Variants in NKAIN2 observed in about 807,000 individuals in gnomAD.
NKAIN2 encodes the protein sodium/potassium transporting ATPase interacting 2.
NKAIN2 carries 14 observed loss-of-function variants against 32.6 expected under a neutral mutation model. The observed-to-expected ratio is 0.43, with a 90% confidence interval of 0.28 to 0.67. The LOEUF is 0.67. Ranked by LOEUF, NKAIN2 falls within the 30% of genes least tolerant of loss-of-function variation. NKAIN2 has a pLI of 0.17. For missense variants in NKAIN2, 198 were observed against 258.3 expected (o/e 0.77, Z 1.60); for synonymous variants, 80 against 87.2 (o/e 0.92, Z 0.46).
At chr6:124,646,580 G>GCAA (rs1052789942) in intron 3 of NKAIN2, among the ~76,000 whole-genome samples, 2 of 152,120 alleles carry the variant, frequency 1.3e-5, no homozygotes, top group Non-Finnish European at 2.9e-5. Context: ...ATGAAAAACA[G>GCAA]CAACAACAAC....
intron 1 of NKAIN2, among the ~76,000 whole-genome samples, chr6:123,885,842 G>T (rs1303470108): frequency 1.3e-5 from 2 of 151,352 alleles, no homozygotes; most frequent in East Asian, 3.9e-4. Flanking sequence ...TTAAAAAATG[G>T]TACATTAGGA....
intron 2 of NKAIN2, among the ~76,000 whole-genome samples, chr6:124,326,810 C>T (rs1483506178): frequency 6.6e-6 from 1 of 152,058 alleles, no homozygotes; most frequent in Non-Finnish European, 1.5e-5. Context: ...ATTTTTGTTT[C>T]TTAACTTGAG....
At chr6:123,898,216 C>A (rs1319174303) in intron 1 of NKAIN2, among the ~76,000 whole-genome samples, 2 of 152,174 alleles carry the variant, frequency 1.3e-5, no homozygotes, top group African/African-American at 4.8e-5. Context: ...TCATCTTGAG[C>A]TTGTGCTCAC....
chr6:124,445,049 AAAG>A (rs1401086036), intron 3 of NKAIN2, among the ~76,000 whole-genome samples: 1 of 152,088 alleles, frequency 6.6e-6, no homozygotes, highest in Non-Finnish European at 1.5e-5. Context: ...AGGTCATTAG[AAAG>A]AATACAGTGG....
At position 124,129,415 on chromosome 6, in the gene NKAIN2, A is replaced by G. The variant is rs574765293; in HGVS notation, c.55-153590A>G. Reference sequence around the variant, plus strand: ...TGCCTACAAAGCTATGGAGACCACAATAATATTTGAAAACATTAAATGCAA... The same window carrying G: ...TGCCTACAAAGCTATGGAGACCACAGTAATATTTGAAAACATTAAATGCAA... On this transcript the variant is annotated intron_variant, in intron 1 of 6. Coordinates refer to ENST00000368417, the MANE Select transcript of NKAIN2 (RefSeq NM_001040214.3). Among the ~76,000 whole-genome samples the G allele has an allele frequency of 1.1e-4, 16 of 152,298 alleles. No individual in the cohort carries two copies. In the South Asian group the frequency reaches 2.9e-3, roughly 28 times the overall value.
intron 1 of NKAIN2, among the ~76,000 whole-genome samples, chr6:124,222,184 G>T (rs894800784): frequency 6.6e-6 from 1 of 152,134 alleles, no homozygotes; most frequent in Non-Finnish European, 1.5e-5. Context: ...AAGACAACTG[G>T]ATGTTAAGGG....
chr6:124,536,383 C>G (rs1407929660), intron 3 of NKAIN2, among the ~76,000 whole-genome samples: 1 of 152,074 alleles, frequency 6.6e-6, no homozygotes, highest in Non-Finnish European at 1.5e-5. Context: ...TATCTGGTCT[C>G]ATATTAAGCT....
chr6:124,083,625 T>C (rs983860508), intron 1 of NKAIN2, among the ~76,000 whole-genome samples: 1 of 152,056 alleles, frequency 6.6e-6, no homozygotes, highest in African/African-American at 2.4e-5. Flanking sequence ...AACCTATTAA[T>C]GTTTTCAAAG....
At chr6:124,040,183 TTTA>T (rs1315498854) in intron 1 of NKAIN2, among the ~76,000 whole-genome samples, 1 of 152,034 alleles carries the variant, frequency 6.6e-6, no homozygotes, top group Non-Finnish European at 1.5e-5. Context: ...TTAGACATAT[TTTA>T]TTATTTTCAT....
chr6:124,807,876 A>G (rs1780666166), intron 5 of NKAIN2, among the ~76,000 whole-genome samples: 2 of 150,910 alleles, frequency 1.3e-5, no homozygotes, highest in Admixed American at 6.6e-5. Flanking sequence ...ATAAACTAGA[A>G]AATCTAGAAG....
intron 3 of NKAIN2, among the ~76,000 whole-genome samples, chr6:124,401,148 A>G (rs1773607116): frequency 6.6e-6 from 1 of 152,114 alleles, no homozygotes; most frequent in African/African-American, 2.4e-5. Context: ...TTTATTTATT[A>G]TTACCAAAAA....
chr6:124,154,609 C>A (rs1787892682), intron 1 of NKAIN2, among the ~76,000 whole-genome samples: 1 of 151,850 alleles, frequency 6.6e-6, no homozygotes, highest in Admixed American at 6.6e-5. Flanking sequence ...AAATGAAAAT[C>A]GTATATATTT....
intron 1 of NKAIN2, among the ~76,000 whole-genome samples, chr6:124,201,103 AC>A (rs545332262): frequency 6.0e-4 from 92 of 152,204 alleles, no homozygotes; most frequent in African/African-American, 2.1e-3. Context: ...ATCTACATAA[AC>A]AAGCTGTAAA....
intron 5 of NKAIN2, among the ~76,000 whole-genome samples, chr6:124,813,241 A>G (rs1024670584): frequency 6.6e-6 from 1 of 152,182 alleles, no homozygotes; most frequent in South Asian, 2.1e-4. Flanking sequence ...CAAATTCAGC[A>G]AAGGTAGTTT....
Position 123,942,778 on chromosome 6 carries a change from T to C in NKAIN2, c.54+138524T>C, listed in dbSNP as rs147787548. 5.6e-3 allele frequency among the ~76,000 whole-genome samples: 850 copies of C among 152,136 alleles called. 10 individuals carry two copies. Among genetic ancestry groups the C allele is most frequent in the African/African-American group, 0.018 (755 of 41,538 alleles). On this transcript the variant is annotated intron_variant, in intron 1 of 6. Transcript: ENST00000368417. Reference sequence around the variant, plus strand: ...TTCTTAAACATAATCCTATGAGCCATGATTTAAATTAACAAACCTTATCAA... The same window carrying C: ...TTCTTAAACATAATCCTATGAGCCACGATTTAAATTAACAAACCTTATCAA...
intron 1 of NKAIN2, among the ~76,000 whole-genome samples, chr6:123,890,194 G>A (rs1773935766): frequency 6.6e-6 from 1 of 151,980 alleles, no homozygotes; most frequent in Admixed American, 6.6e-5. Context: ...GGATGATTTT[G>A]CATTCATTAT....
At chr6:124,183,609 A>G in intron 1 of NKAIN2, among the ~76,000 whole-genome samples, 1 of 152,114 alleles carries the variant, frequency 6.6e-6, no homozygotes, top group Admixed American at 6.5e-5. Flanking sequence ...AAAAGAGAAA[A>G]AAACACTCTT....
chr6:124,595,307 A>C (rs1782044372), intron 3 of NKAIN2, among the ~76,000 whole-genome samples: 1 of 152,160 alleles, frequency 6.6e-6, no homozygotes, highest in Non-Finnish European at 1.5e-5. Context: ...CCAGACTCAC[A>C]GATCTGAACT....
At chr6:124,196,070 ATTTC>A (rs1790299901) in intron 1 of NKAIN2, among the ~76,000 whole-genome samples, 1 of 152,104 alleles carries the variant, frequency 6.6e-6, no homozygotes, top group South Asian at 2.1e-4. Context: ...AAGAAAAGCT[ATTTC>A]TTTCCAACAA....
Sources: gnomAD v4.1 joint callset for allele counts (sites outside exome capture counted in the v4.1 genomes callset) on GRCh38, gnomAD v4.1.1 for gene constraint, MANE v1.5 for transcripts, NCBI Gene and HGNC (gene_info 2026-07-23, HGNC 2026-07-21) for gene names.